Variants in KIAA0825 observed in about 807,000 individuals in gnomAD.
KIAA0825 encodes KIAA0825, also known as uncharacterized protein KIAA0825.
A neutral mutation model predicts 147.6 loss-of-function variants in KIAA0825; 119 were observed. That is an observed-to-expected ratio of 0.81 (90% confidence interval 0.69 to 0.94). KIAA0825 has a LOEUF of 0.94. KIAA0825 is among the 40% of genes least tolerant of loss of function. KIAA0825 has a pLI of 0.00. For missense variants in KIAA0825, 1,381 were observed against 1,472.7 expected, an observed-to-expected ratio of 0.94 and a Z score of 1.02; for synonymous variants, 470 against 518.1, an observed-to-expected ratio of 0.91 and a Z score of 1.26.
intron 4 of KIAA0825, among the ~76,000 whole-genome samples, chr5:94,522,214 C>T (rs1218498937): frequency 6.6e-6 from 1 of 151,614 alleles, no homozygotes; most frequent in Non-Finnish European, 1.5e-5. Context: ...AAGAAATGAT[C>T]CCTGGCTTCT....
intron 20 of KIAA0825, among the ~76,000 whole-genome samples, chr5:94,264,418 C>G (rs1158935013): frequency 2.6e-5 from 4 of 152,076 alleles, no homozygotes; most frequent in South Asian, 2.1e-4. Context: ...AATAGATAAC[C>G]TTCTATGGCT....
Position 94,267,458 on chromosome 5 carries a change from C to A in KIAA0825, c.3711-113334G>T, listed in dbSNP as rs1776783778. Among the ~76,000 whole-genome samples the A allele has an allele frequency of 2.6e-5, 4 of 152,234 alleles. No homozygotes were observed. The South Asian group carries it at 8.3e-4, about 32-fold the overall frequency. On this transcript the variant is annotated intron_variant, in intron 20 of 20. Coordinates refer to ENST00000682413, the MANE Select transcript of KIAA0825 (RefSeq NM_001145678.3). ...TATAGCCTTGAGCACAAGGTTCAAA[C>A]CTTAACAGTTTTTAAGACAATGGGG...
intron 5 of KIAA0825, among the ~76,000 whole-genome samples, chr5:94,518,843 C>A (rs1767661976): frequency 6.6e-6 from 1 of 152,058 alleles, no homozygotes; most frequent in South Asian, 2.1e-4. Context: ...CCTAAAGACT[C>A]CATAGCAACT....
Position 94,159,542 on chromosome 5 carries a change from A to G in KIAA0825, c.3711-5418T>C, listed in dbSNP as rs148595792. On this transcript the variant is annotated intron_variant, in intron 20 of 20. Coordinates refer to ENST00000682413, the MANE Select transcript of KIAA0825 (RefSeq NM_001145678.3). ...TTTTATCTGGTAAATTATCTTTTCT[A>G]TCAATCAATCAATAATATAATATTG... is the stretch of plus-strand genomic sequence containing the variant. Among the ~76,000 whole-genome samples, 323 of 152,260 alleles carry G rather than the reference A, an allele frequency of 2.1e-3. 2 individuals carry two copies. The highest frequency in any genetic ancestry group is 7.5e-3 in the African/African-American group (311 of 41,548).
intron 5 of KIAA0825, among the ~76,000 whole-genome samples, chr5:94,507,430 C>T (rs59759052): frequency 0.012 from 1,784 of 151,874 alleles, 33 homozygotes; most frequent in African/African-American, 0.039. Flanking sequence ...TCCAGCCTGG[C>T]GACAGAGCAA....
chr5:94,609,982 A>G (rs1454858871), intron 1 of KIAA0825, among the ~76,000 whole-genome samples: 1 of 152,220 alleles, frequency 6.6e-6, no homozygotes, highest in Non-Finnish European at 1.5e-5. Context: ...GCTAGCATGA[A>G]TATATGCTAG....
intron 19 of KIAA0825, among the ~76,000 whole-genome samples, chr5:94,385,427 G>A (rs1453922296): frequency 6.6e-6 from 1 of 152,088 alleles, no homozygotes; most frequent in African/African-American, 2.4e-5. Context: ...AACAGGCATG[G>A]TAAAAATATT....
At chr5:94,306,190 AG>A (rs1478023020) in intron 20 of KIAA0825, among the ~76,000 whole-genome samples, 3 of 151,938 alleles carry the variant, frequency 2.0e-5, no homozygotes, top group African/African-American at 7.2e-5. Flanking sequence ...GAGAAAAAAA[AG>A]GGGGAATGTG....
chr5:94,255,808 G>A (rs1163568206), intron 20 of KIAA0825, among the ~76,000 whole-genome samples: 1 of 137,468 alleles, frequency 7.3e-6, no homozygotes, highest in Non-Finnish European at 1.5e-5. Flanking sequence ...GACCTCCCCG[G>A]GCTCAGGTGA....
In KIAA0825 at chr5:94,378,570, C is replaced by T. The variant is rs1443427075; in HGVS notation, c.3710+5798G>A. Reference sequence around the variant, plus strand: ...TGAATAGTGCTGCAATGAAGATACACGTGCATATGTCTTTATTGTAGAATG... The same window carrying T: ...TGAATAGTGCTGCAATGAAGATACATGTGCATATGTCTTTATTGTAGAATG... On this transcript the variant is annotated intron_variant, in intron 20 of 20. Transcript: ENST00000682413. 3.3e-5 allele frequency among the ~76,000 whole-genome samples: 5 copies of T among 152,174 alleles called. No homozygotes were observed. The East Asian group carries it at 5.8e-4, about 18-fold the overall frequency.
At chr5:94,594,041 C>T (rs1204831323) in intron 1 of KIAA0825, 1 of 522,012 alleles carries the variant, frequency 1.9e-6, no homozygotes, top group Admixed American at 2.1e-5. Flanking sequence ...GTTTTTGGAA[C>T]TTGCGTGCAA....
At chr5:94,589,167 A>AAAC (rs1783879479) in intron 1 of KIAA0825, among the ~76,000 whole-genome samples, 2 of 152,126 alleles carry the variant, frequency 1.3e-5, no homozygotes, top group South Asian at 4.1e-4. Flanking sequence ...TAAAACAAAG[A>AAAC]AACAACAACA....
At chr5:94,405,015 C>T (rs1751865812) in intron 15 of KIAA0825, among the ~76,000 whole-genome samples, 1 of 152,036 alleles carries the variant, frequency 6.6e-6, no homozygotes, top group African/African-American at 2.4e-5. Context: ...TGAGCACACA[C>T]AAAGTTGAAA....
intron 14 of KIAA0825, among the ~76,000 whole-genome samples, chr5:94,439,436 T>C (rs1359624482): frequency 6.6e-6 from 1 of 152,132 alleles, no homozygotes; most frequent in African/African-American, 2.4e-5. Context: ...AAGAAACTAA[T>C]TAGGAGAAGT....
intron 3 of KIAA0825, among the ~76,000 whole-genome samples, chr5:94,529,597 C>G (rs573532947): frequency 1.7e-4 from 26 of 151,766 alleles, no homozygotes; most frequent in African/African-American, 6.0e-4. Context: ...GAAAATTACA[C>G]AATTATTTAT....
chr5:94,398,204 CTCCCTTCTCCAGGCTATG>C (rs749799620), intron 16 of KIAA0825, among the ~76,000 whole-genome samples: 4 of 152,172 alleles, frequency 2.6e-5, no homozygotes, highest in Admixed American at 6.6e-5. Context: ...TCTAACTCAT[CTCCCTTCTCCAGGCTATG>C]TCCAGCTCTT....
At chr5:94,601,837 C>T (rs1400074177) in intron 1 of KIAA0825, among the ~76,000 whole-genome samples, 1 of 151,596 alleles carries the variant, frequency 6.6e-6, no homozygotes, top group African/African-American at 2.4e-5. Flanking sequence ...TAGACAAGAA[C>T]AGAGAAAAAA....
At position 94,383,717 on chromosome 5, in the gene KIAA0825, T is replaced by C. The variant is rs895402052; in HGVS notation, c.3710+651A>G. 3.3e-5 allele frequency among the ~76,000 whole-genome samples: 5 copies of C among 152,274 alleles called. No individual in the cohort carries two copies. In the East Asian group the frequency reaches 9.7e-4, roughly 29 times the overall value. The stretch of plus-strand genomic sequence containing the variant: ...GATCCAAAGCAAAATGTTCATACTT[T>C]TGTGCAAAATAAATTACATGTTGTT... On this transcript the variant is annotated intron_variant, in intron 20 of 20. Transcript: ENST00000682413.
At chr5:94,550,683 A>T (rs1775347645) in intron 2 of KIAA0825, among the ~76,000 whole-genome samples, 1 of 152,146 alleles carries the variant, frequency 6.6e-6, no homozygotes. Flanking sequence ...TCAACTAAAA[A>T]TACAAAAAAT....
Sources: allele counts gnomAD v4.1 joint callset (sites outside exome capture counted in the v4.1 genomes callset), GRCh38; gene constraint gnomAD v4.1.1; transcripts MANE v1.5; gene names NCBI Gene and HGNC (gene_info 2026-07-23, HGNC 2026-07-21).